Variants in ADAMTS10 observed in about 807,000 individuals in gnomAD.
ADAMTS10 encodes ADAM metallopeptidase with thrombospondin type 1 motif 10.
A neutral mutation model predicts 135.9 loss-of-function variants in ADAMTS10; 48 were observed. The observed-to-expected ratio is 0.35, with a 90% CI of 0.28 to 0.45. The LOEUF (loss-of-function observed/expected upper bound fraction) is 0.45, where lower values mean the gene tolerates loss of function less well. Ranked by LOEUF, ADAMTS10 falls within the 20% of genes least tolerant of loss-of-function variation. The pLI is 1.00. For missense variants in ADAMTS10, 1,131 were observed against 1,565.2 expected, an observed-to-expected ratio of 0.72 and a Z score of 4.68; for synonymous variants, 621 against 647.5, an observed-to-expected ratio of 0.96 and a Z score of 0.62.
At position 8,585,058 on chromosome 19, in the gene ADAMTS10, C is replaced by CAA. The variant is rs2042405907; in HGVS notation, c.3043-5_3043-4insTT. The CAA allele has an allele frequency of 6.5e-6, 9 of 1,393,642 alleles. No individual in the cohort carries two copies. The African/African-American group carries it at 1.2e-4, about 18-fold the overall frequency. The allele number at this position is 1,393,642 out of a possible 1,614,324, so 86.3% of individuals were successfully genotyped here. A position where few individuals can be genotyped will look rare whatever the true frequency, so the allele number is the denominator to read the frequency against. On this transcript the variant is annotated splice_polypyrimidine_tract_variant and splice_region_variant and intron_variant, in intron 24 of 25. Coordinates refer to ENST00000597188, the MANE Select transcript of ADAMTS10 (RefSeq NM_030957.4). Reference sequence around the variant, plus strand: ...CGACGCCGCACTGTGCAGAGCACTGCGAGGGGGCACCACTCAGTTGCTGCC... The same window carrying CAA: ...CGACGCCGCACTGTGCAGAGCACTGCAAGAGGGGGCACCACTCAGTTGCTGCC...
chr19:8,591,827 T>C lies in ADAMTS10; in HGVS notation c.1770A>G (p.Arg590=). 1.9e-6 allele frequency: 3 copies of C among 1,613,856 alleles called. No individual in the cohort carries two copies. The highest frequency in any genetic ancestry group is 2.5e-6 in the Non-Finnish European group (3 of 1,180,028). The change falls in exon 15 of 26, where the codon AGA becomes AGG. Residue 590 remains arginine (R), a synonymous_variant. Coordinates refer to ENST00000597188, the MANE Select transcript of ADAMTS10 (RefSeq NM_030957.4). ...TIGGKYCLGE[R]RRHRSCNTDD... is the part of the protein sequence containing the mutation. Reference sequence around the variant, plus strand: ...CCGTGTTGCAGGAGCGGTGCCGCCTTCTCTCACCCAGACAGTACTTGCCCC... The same window carrying C: ...CCGTGTTGCAGGAGCGGTGCCGCCTCCTCTCACCCAGACAGTACTTGCCCC...
At chr19:8,592,271 G>A in intron 13 of ADAMTS10, 168 bp from the exon 14 acceptor site, 1 of 1,385,022 alleles carries the variant, frequency 7.2e-7, no homozygotes, top group Admixed American at 2.3e-5. Context: ...AGAGTGGTCT[G>A]GGAGACAGAC....
chr19:8,601,152 A>C lies in ADAMTS10; in HGVS notation c.593-7T>G. 6.2e-7 allele frequency: 1 copy of C among 1,612,534 alleles called. No homozygotes were observed. Among genetic ancestry groups the C allele is most frequent in the Non-Finnish European group, 8.5e-7 (1 of 1,179,982 alleles). On this transcript the variant is annotated splice_region_variant and splice_polypyrimidine_tract_variant and intron_variant, in intron 5 of 25. Transcript: ENST00000597188. The surrounding 1 kb of genome is among the most constrained non-coding windows in gnomAD (Gnocchi z 4.6). ...CCTTTCCACGGTTTCTCATCTGGGG[A>C]ACCCAGTAGAGCAATTAAGCCCTGC...
intron 15 of ADAMTS10, among the ~76,000 whole-genome samples, chr19:8,590,375 G>A (rs1170255514): frequency 2.6e-5 from 4 of 152,174 alleles, no homozygotes; most frequent in Non-Finnish European, 5.9e-5. Flanking sequence ...CTGGGTTCAA[G>A]CAATTCTTCT....
chr19:8,589,792 C>T (rs1264862998), intron 16 of ADAMTS10, 97 bp downstream of exon 16: 9 of 1,449,024 alleles, frequency 6.2e-6, no homozygotes, highest in Non-Finnish European at 8.6e-6. Flanking sequence ...GGACAGGGCT[C>T]AGGGCAGACC....
rs74498506 is a variant in ADAMTS10, at chr19:8,580,634, C to T, written c.*259G>A. ...AGGGTGCTGGGGTGAACAGCTGTCC[C>T]CTCCCCAGACCCACCCTGGAGGGGG... On this transcript the variant is annotated 3_prime_UTR_variant, in exon 26 of 26. Coordinates refer to ENST00000597188, the MANE Select transcript of ADAMTS10 (RefSeq NM_030957.4). The T allele has an allele frequency of 2.7e-3, 1,268 of 477,816 alleles. 17 individuals are homozygous for T. The highest frequency in any genetic ancestry group is 0.023 in the African/African-American group (1,167 of 50,564). 29.6% of individuals were successfully genotyped at this position (477,816 alleles called of 1,614,324 possible). A position where few individuals can be genotyped will look rare whatever the true frequency, so the allele number is the denominator to read the frequency against.
At chr19:8,597,158 T>C (rs1555740457) in intron 7 of ADAMTS10, 26 bp from the exon 8 acceptor site, 2 of 1,614,040 alleles carry the variant, frequency 1.2e-6, no homozygotes, top group Non-Finnish European at 1.7e-6. Context: ...GGGAAATGCA[T>C]GGGCACCCAC....
intron 13 of ADAMTS10, among the ~76,000 whole-genome samples, 198 bp downstream of exon 13, chr19:8,592,565 G>A (rs2042552056): frequency 6.6e-6 from 1 of 151,172 alleles, no homozygotes; most frequent in South Asian, 2.1e-4. Flanking sequence ...AGAACCAAGG[G>A]ACGCATAGAC....
In ADAMTS10 at chr19:8,596,223, G is replaced by A. The variant is rs1555740134; in HGVS notation, c.1191-4C>T. ...GCCGTCATGGTTCATGCCGAATCTG[G>A]GGAAAGGGGTGTCGGCTCTGCCGGG... On this transcript the variant is annotated splice_polypyrimidine_tract_variant and splice_region_variant and intron_variant, in intron 10 of 25. Coordinates refer to ENST00000597188, the MANE Select transcript of ADAMTS10 (RefSeq NM_030957.4). The surrounding 1 kb of genome is among the most constrained non-coding windows in gnomAD (Gnocchi z 7.2). 1.2e-6 allele frequency: 2 copies of A among 1,613,844 alleles called. No homozygotes were observed. Among genetic ancestry groups the A allele is most frequent in the Non-Finnish European group, 8.5e-7 (1 of 1,180,018 alleles).
At chr19:8,591,113 T>C (rs1013654203) in intron 15 of ADAMTS10, among the ~76,000 whole-genome samples, 1 of 152,014 alleles carries the variant, frequency 6.6e-6, no homozygotes, top group Admixed American at 6.6e-5. Context: ...CAGACACCTG[T>C]CACTGGGTTT....
At chr19:8,589,397 C>T (rs782678394) in intron 17 of ADAMTS10, 32 bp from the exon 18 acceptor site, 4 of 1,611,022 alleles carry the variant, frequency 2.5e-6, no homozygotes, top group African/African-American at 2.7e-5. Context: ...GAGGCGACCC[C>T]CTAACCCACC....
At position 8,605,754 on chromosome 19, in the gene ADAMTS10, G is replaced by A; in HGVS notation, c.-44C>T. The A allele has an allele frequency of 6.4e-7, 1 of 1,565,748 alleles. No individual in the cohort carries two copies. The highest frequency in any genetic ancestry group is 1.3e-5 in the African/African-American group (1 of 74,208). Reference sequence around the variant, plus strand: ...TGTCTCTCCCCAGCCCCGGCTGCCGGCAGCCCCCACAGTGCCGCCTCCCCT... The same window carrying A: ...TGTCTCTCCCCAGCCCCGGCTGCCGACAGCCCCCACAGTGCCGCCTCCCCT... On this transcript the variant is annotated 5_prime_UTR_variant, in exon 3 of 26. Transcript: ENST00000597188. This position sits in a 1 kb window ranked among gnomAD's most constrained non-coding sequence, Gnocchi z 7.7.
At chr19:8,589,650 G>C in intron 16 of ADAMTS10, 65 bp from the exon 17 acceptor site, 3 of 1,604,896 alleles carry the variant, frequency 1.9e-6, no homozygotes, top group Non-Finnish European at 2.5e-6. Context: ...TTGCTCCCTG[G>C]GGGAGTGAGG....
At chr19:8,585,793 C>T in intron 22 of ADAMTS10, 133 bp from the exon 23 acceptor site, 1 of 961,536 alleles carries the variant, frequency 1.0e-6, no homozygotes, top group Non-Finnish European at 1.6e-6. Flanking sequence ...GGCACCTCCA[C>T]ATTCCACACT....
rs1159580475 is a variant in ADAMTS10, at chr19:8,580,808, C to T, written c.*85G>A. The T allele has an allele frequency of 5.5e-6, 6 of 1,097,174 alleles. No individual in the cohort carries two copies. The highest frequency in any genetic ancestry group is 8.0e-6 in the Non-Finnish European group (6 of 754,232). 68.0% of individuals were successfully genotyped at this position (1,097,174 alleles called of 1,614,324 possible). ...TCTCACCCTTCCCTCCCAGTTCCCG[C>T]CCCCCCGGGGCCCCCTCTGGCCGGC... On this transcript the variant is annotated 3_prime_UTR_variant, in exon 26 of 26. Coordinates refer to ENST00000597188, the MANE Select transcript of ADAMTS10 (RefSeq NM_030957.4).
rs2042415904 is a variant in ADAMTS10, at chr19:8,585,528, C to G, written c.2793G>C (p.Pro931=). Residue 931 remains proline (P), a synonymous_variant, in exon 23 of 26, where the codon CCG becomes CCC. Transcript: ENST00000597188. ...GGCAGGCCTCCAGTACAGGTGGGCG[C>G]GGCTGCGGGCATGCGCTGTCGTCCA... ...KALDDSACPQ[P]RPPVLEACHG... is the part of the protein sequence containing the mutation. 4 of 1,562,132 alleles carry G rather than the reference C, an allele frequency of 2.6e-6. No individual in the cohort carries two copies. The highest frequency in any genetic ancestry group is 2.6e-6 in the Non-Finnish European group (3 of 1,154,100).
intron 4 of ADAMTS10, among the ~76,000 whole-genome samples, chr19:8,604,536 C>T (rs1555742091): frequency 6.6e-6 from 1 of 151,018 alleles, no homozygotes; most frequent in Admixed American, 6.6e-5. Flanking sequence ...TGCTGGAGGG[C>T]AGTGTTGTGA....
Position 8,585,232 on chromosome 19 carries a change from G to A in ADAMTS10, c.2942C>T (p.Pro981Leu), listed in dbSNP as rs2042409821. The A allele has an allele frequency of 6.8e-7, 1 of 1,460,322 alleles. No individual in the cohort carries two copies. The highest frequency in any genetic ancestry group is 1.4e-5 in the African/African-American group (1 of 70,290). 90.5% of individuals were successfully genotyped at this position (1,460,322 alleles called of 1,614,324 possible). A position where few individuals can be genotyped will look rare whatever the true frequency, so the allele number is the denominator to read the frequency against. Residue 981 changes from proline to leucine, a missense_variant, in exon 24 of 26, where the codon CCC (proline) becomes CTC (leucine). Physicochemically the swap from Pro to Leu is moderately conservative, Grantham distance 98. Around this residue, in one of 3 missense-constraint regions of ADAMTS10, gnomAD observed 745 missense variants for 1,056.3 expected, o/e 0.71. Coordinates refer to ENST00000597188, the MANE Select transcript of ADAMTS10 (RefSeq NM_030957.4). ...CKSADHRATL[P>L]PAHCSPAAKP... is the part of the protein sequence containing the mutation. ...GGCGGCGGGTGAGCAGTGCGCCGGG[G>A]GCAGCGTGGCGCGGTGGTCTGCGCT...
chr19:8,596,352 A>G lies in ADAMTS10; in HGVS notation c.1145T>C (p.Ile382Thr), dbSNP rs2042604375. The G allele has an allele frequency of 1.2e-6, 2 of 1,613,086 alleles. No homozygotes were observed. Among genetic ancestry groups the G allele is most frequent in the East Asian group, 4.5e-5 (2 of 44,868 alleles). The change falls in exon 10 of 26, where the codon ATT becomes ACT. Residue 382 changes from isoleucine (I) to threonine (T), a missense_variant. Ile to Thr is a moderately conservative substitution (Grantham distance 89, BLOSUM62 -1). Around this residue, in one of 3 missense-constraint regions of ADAMTS10, gnomAD observed 745 missense variants for 1,056.3 expected, o/e 0.71. Transcript: ENST00000597188. The surrounding 1 kb of genome is among the most constrained non-coding windows in gnomAD (Gnocchi z 7.2). ...AATGGTGAACGCTGTGGCCAGGCCA[A>G]TGTCCTCATTGACGCTGCAGCTTCT... Reference protein sequence around the residue: ...RERSCSVNEDIGLATAFTIAH... With the variant: ...RERSCSVNEDTGLATAFTIAH...
Sources: gnomAD v4.1 joint callset for allele counts (sites outside exome capture counted in the v4.1 genomes callset) on GRCh38, gnomAD v4.1.1 for gene constraint, gnomAD v4.1.1 regional missense constraint, Gnocchi (gnomAD v3.1) non-coding constraint, MANE v1.5 for transcripts, NCBI Gene and HGNC (gene_info 2026-07-23, HGNC 2026-07-21) for gene names.